DLC1: variants seen among roughly 807,000 people sequenced by gnomAD.
DLC1 encodes DLC1 Rho GTPase activating protein.
In DLC1, 54 loss-of-function variants were observed where a neutral mutation model predicts 140.3. The observed-to-expected ratio is 0.38, with a 90% CI of 0.31 to 0.48. DLC1 has a LOEUF of 0.48. DLC1 is among the 20% of genes least tolerant of loss of function. DLC1 has a pLI of 0.96. For synonymous variants in DLC1, 986 were observed against 728.1 expected (o/e 1.35, Z -5.70); for missense variants, 2,536 against 1,907.0 (o/e 1.33, Z -6.14).
At chr8:13,149,780 TG>T (rs1375948109) in intron 5 of DLC1, among the ~76,000 whole-genome samples, 19 of 152,336 alleles carry the variant, frequency 1.2e-4, no homozygotes, top group African/African-American at 4.6e-4. Flanking sequence ...TAGTCCCCAC[TG>T]GTTAAGGCTG....
At chr8:13,501,324 G>A (rs1042342135) in intron 1 of DLC1, among the ~76,000 whole-genome samples, 9 of 152,062 alleles carry the variant, frequency 5.9e-5, no homozygotes, top group African/African-American at 9.7e-5. Flanking sequence ...CTTAGTTAAA[G>A]GAAAGAAATA....
At chr8:13,144,395 C>T (rs1823260112) in intron 5 of DLC1, among the ~76,000 whole-genome samples, 1 of 152,146 alleles carries the variant, frequency 6.6e-6, no homozygotes, top group Non-Finnish European at 1.5e-5. Context: ...TATCAGCTTC[C>T]TTGGTTCTCC....
intron 5 of DLC1, among the ~76,000 whole-genome samples, chr8:13,196,386 A>T (rs1006376037): frequency 1.3e-5 from 2 of 152,166 alleles, no homozygotes; most frequent in African/African-American, 4.8e-5. Flanking sequence ...AAACAAGAAG[A>T]CACTTTACTA....
chr8:13,097,613 T>C (rs921489267), intron 10 of DLC1, among the ~76,000 whole-genome samples: 2 of 152,230 alleles, frequency 1.3e-5, no homozygotes, highest in African/African-American at 4.8e-5. Flanking sequence ...GACCAGGTAC[T>C]GTAAATCAAG....
chr8:13,141,092 C>T (rs1822948593), intron 5 of DLC1, among the ~76,000 whole-genome samples: 1 of 151,750 alleles, frequency 6.6e-6, no homozygotes, highest in African/African-American at 2.4e-5. Flanking sequence ...CCCATCACTA[C>T]TAAAAATACA....
At chr8:13,187,720 C>A (rs986089389) in intron 5 of DLC1, among the ~76,000 whole-genome samples, 13 of 152,154 alleles carry the variant, frequency 8.5e-5, no homozygotes, top group African/African-American at 3.1e-4. Context: ...TAATCAAAAT[C>A]ATCCGGGAAT....
At position 13,242,663 on chromosome 8, in the gene DLC1, G is replaced by C. The variant is rs13267295; in HGVS notation, c.1348+62606C>G. 2.8e-3 allele frequency among the ~76,000 whole-genome samples: 429 copies of C among 152,184 alleles called. 2 individuals are homozygous for C. Among genetic ancestry groups the C allele is most frequent in the Non-Finnish European group, 5.2e-3 (352 of 68,004 alleles). ...CTACCTTGGCCTGTGAAAGTGCTGC[G>C]ATTACAGGTGTGAGCCATTGTGCCT... On this transcript the variant is annotated intron_variant, in intron 5 of 17. Transcript: ENST00000276297.
chr8:13,457,914 T>C (rs962101470), intron 2 of DLC1, among the ~76,000 whole-genome samples: 15 of 152,102 alleles, frequency 9.9e-5, no homozygotes, highest in Non-Finnish European at 2.1e-4. Context: ...AGAGAAGTTA[T>C]TTATCATTGA....
chr8:13,415,757 TGAA>T (rs35534109), intron 2 of DLC1, among the ~76,000 whole-genome samples: 19,058 of 152,128 alleles, frequency 0.13, 1,565 homozygotes, highest in Non-Finnish European at 0.19. Flanking sequence ...TTAAATAACT[TGAA>T]GAAGAAGTGC....
intron 1 of DLC1, among the ~76,000 whole-genome samples, chr8:13,570,518 T>G (rs1386993936): frequency 4.3e-5 from 6 of 140,730 alleles, no homozygotes; most frequent in Non-Finnish European, 9.1e-5. Flanking sequence ...ATTGTTCAAT[T>G]CCCACCTATG....
intron 5 of DLC1, among the ~76,000 whole-genome samples, chr8:13,150,199 C>T (rs1207662136): frequency 1.3e-5 from 2 of 152,184 alleles, no homozygotes; most frequent in African/African-American, 4.8e-5. Flanking sequence ...TGGGGAGGCC[C>T]TGTGGCTTCT....
intron 1 of DLC1, among the ~76,000 whole-genome samples, chr8:13,508,302 A>G (rs1194541454): frequency 6.6e-6 from 1 of 152,172 alleles, no homozygotes; most frequent in Non-Finnish European, 1.5e-5. Flanking sequence ...AACTGGGAAT[A>G]TTTTATGATA....
At chr8:13,550,416 T>C (rs1050484458) in intron 1 of DLC1, among the ~76,000 whole-genome samples, 1 of 152,102 alleles carries the variant, frequency 6.6e-6, no homozygotes, top group African/African-American at 2.4e-5. Context: ...AATTACCCAG[T>C]CTTAATAGTA....
intron 5 of DLC1, among the ~76,000 whole-genome samples, chr8:13,245,017 C>T (rs1449384950): frequency 1.3e-5 from 2 of 152,256 alleles, no homozygotes; most frequent in South Asian, 2.1e-4. Context: ...TTTTCCACCC[C>T]TTATGTTAAG....
intron 5 of DLC1, among the ~76,000 whole-genome samples, chr8:13,185,448 CA>C (rs746166097): frequency 3.3e-5 from 5 of 151,952 alleles, no homozygotes; most frequent in Non-Finnish European, 5.9e-5. Context: ...GCTGGGACTA[CA>C]GGCGCCCGCC....
chr8:13,407,262 T>C (rs189413453), intron 2 of DLC1, among the ~76,000 whole-genome samples: 20 of 152,284 alleles, frequency 1.3e-4, no homozygotes, highest in African/African-American at 4.3e-4. Flanking sequence ...GGAAGATGAA[T>C]AGGGTTTTTA....
chr8:13,150,851 C>T (rs180935917), intron 5 of DLC1, among the ~76,000 whole-genome samples: 5 of 152,220 alleles, frequency 3.3e-5, no homozygotes, highest in African/African-American at 1.2e-4. Context: ...AGAGAACTTT[C>T]TTCCCTGGAG....
chr8:13,245,012 C>T (rs1829705365), intron 5 of DLC1, among the ~76,000 whole-genome samples: 1 of 151,994 alleles, frequency 6.6e-6, no homozygotes, highest in Non-Finnish European at 1.5e-5. Flanking sequence ...TATTTTTTTC[C>T]ACCCCTTATG....
At chr8:13,144,757 T>C (rs1823293905) in intron 5 of DLC1, among the ~76,000 whole-genome samples, 1 of 152,162 alleles carries the variant, frequency 6.6e-6, no homozygotes, top group Non-Finnish European at 1.5e-5. Flanking sequence ...AGAGCGATAC[T>C]CTGCCTCATA....
Sources: gnomAD v4.1 joint callset for allele counts (sites outside exome capture counted in the v4.1 genomes callset) on GRCh38, gnomAD v4.1.1 for gene constraint, MANE v1.5 for transcripts, NCBI Gene and HGNC (gene_info 2026-07-23, HGNC 2026-07-21) for gene names.